STPG2: variants seen among roughly 807,000 people sequenced by gnomAD.
STPG2 encodes the protein sperm-tail PG-rich repeat-containing protein 2.
A neutral mutation model predicts 54.2 loss-of-function variants in STPG2; 56 were observed. The ratio of observed to expected loss-of-function variants is 1.03; its 90% CI spans 0.83 to 1.29. The LOEUF (loss-of-function observed/expected upper bound fraction) is 1.29, where lower values mean the gene tolerates loss of function less well. Among genes scored for constraint, STPG2 ranks in the 50% most tolerant of loss-of-function variants. The pLI, the probability that STPG2 is intolerant of heterozygous loss-of-function variation, is 0.00. For missense variants in STPG2, 596 were observed against 544.9 expected, an observed-to-expected ratio of 1.09 and a Z score of -0.93; for synonymous variants, 200 against 181.8, an observed-to-expected ratio of 1.10 and a Z score of -0.81.
At chr4:97,547,081 T>A (rs1296791548) in intron 4 of STPG2, among the ~76,000 whole-genome samples, 3 of 150,600 alleles carry the variant, frequency 2.0e-5, no homozygotes, top group Admixed American at 6.6e-5. Flanking sequence ...ATGTGTAGAT[T>A]CTTACAAATG....
chr4:98,119,605 C>T (rs1305830425), intron 3 of STPG2, among the ~76,000 whole-genome samples: 2 of 151,602 alleles, frequency 1.3e-5, no homozygotes, highest in Non-Finnish European at 2.9e-5. Flanking sequence ...AAAAAGAATG[C>T]CTTTTTTTTT....
intron 9 of STPG2, among the ~76,000 whole-genome samples, chr4:97,746,428 A>C (rs188115897): frequency 1.3e-4 from 19 of 151,432 alleles, no homozygotes; most frequent in African/African-American, 4.6e-4. Context: ...TATCTGACTT[A>C]ACAGTTGAAT....
intron 8 of STPG2, among the ~76,000 whole-genome samples, chr4:97,881,299 C>A (rs1483430677): frequency 6.6e-6 from 1 of 152,088 alleles, no homozygotes; most frequent in African/African-American, 2.4e-5. Context: ...AGTCACTTAA[C>A]CTTTTCACCC....
intron 5 of STPG2, among the ~76,000 whole-genome samples, chr4:98,103,441 AGACCAGCCT>A (rs1739102224): frequency 6.6e-6 from 1 of 152,094 alleles, no homozygotes; most frequent in Non-Finnish European, 1.5e-5. Flanking sequence ...CAGGAGTTCG[AGACCAGCCT>A]GACCAACATA....
intron 5 of STPG2, among the ~76,000 whole-genome samples, chr4:98,075,644 A>C (rs1738141458): frequency 6.6e-6 from 1 of 152,148 alleles, no homozygotes; most frequent in African/African-American, 2.4e-5. Flanking sequence ...TGTTCTCTCA[A>C]TGGGATATTT....
intron 9 of STPG2, among the ~76,000 whole-genome samples, chr4:97,778,961 TA>T (rs1039406758): frequency 6.6e-6 from 1 of 151,936 alleles, no homozygotes; most frequent in African/African-American, 2.4e-5. Flanking sequence ...CAAAGGTAGA[TA>T]AAACCACAAA....
At chr4:98,022,751 G>T (rs1295611066) in intron 5 of STPG2, among the ~76,000 whole-genome samples, 1 of 151,976 alleles carries the variant, frequency 6.6e-6, no homozygotes, top group African/African-American at 2.4e-5. Flanking sequence ...TTCCCTTCTT[G>T]CTTCATTTCA....
At chr4:97,967,851 T>C (rs1031153392) in intron 7 of STPG2, among the ~76,000 whole-genome samples, 1 of 152,070 alleles carries the variant, frequency 6.6e-6, no homozygotes, top group African/African-American at 2.4e-5. Flanking sequence ...CTGGGACACA[T>C]TTAAAGCAGG....
intron 8 of STPG2, among the ~76,000 whole-genome samples, chr4:97,896,847 C>T (rs1730974122): frequency 1.3e-5 from 2 of 151,722 alleles, no homozygotes; most frequent in Non-Finnish European, 3.0e-5. Flanking sequence ...AAAACATTAA[C>T]AGTTGCTACT....
chr4:97,958,561 A>C (rs1336294290), intron 7 of STPG2, among the ~76,000 whole-genome samples: 2 of 152,250 alleles, frequency 1.3e-5, no homozygotes, highest in African/African-American at 2.4e-5. Context: ...CACTCCATGC[A>C]AATGAACACC....
intron 10 of STPG2, among the ~76,000 whole-genome samples, chr4:97,620,695 G>C (rs578125506): frequency 6.6e-6 from 1 of 152,154 alleles, no homozygotes; most frequent in Admixed American, 6.5e-5. Context: ...CAGTAACAGT[G>C]GGAGACTTCA....
At chr4:97,740,863 C>T (rs901646945) in intron 9 of STPG2, among the ~76,000 whole-genome samples, 1 of 152,148 alleles carries the variant, frequency 6.6e-6, no homozygotes, top group Non-Finnish European at 1.5e-5. Context: ...AAAAAAACTA[C>T]TTTAAAGTTC....
At chr4:97,724,711 C>A (rs1724562892) in intron 9 of STPG2, among the ~76,000 whole-genome samples, 1 of 152,038 alleles carries the variant, frequency 6.6e-6, no homozygotes, top group African/African-American at 2.4e-5. Flanking sequence ...ATTAGGTATT[C>A]TATCCTTAGG....
At chr4:97,485,870 G>T (rs1169624453) in intron 4 of STPG2, among the ~76,000 whole-genome samples, 1 of 151,732 alleles carries the variant, frequency 6.6e-6, no homozygotes, top group African/African-American at 2.4e-5. Context: ...ACAGAATAGA[G>T]AACCCAGAAA....
chr4:98,010,934 T>C (rs1018698641), intron 5 of STPG2, among the ~76,000 whole-genome samples: 2 of 152,186 alleles, frequency 1.3e-5, no homozygotes, highest in Non-Finnish European at 2.9e-5. Flanking sequence ...CCACATTTTA[T>C]ATTATTGATG....
chr4:97,873,211 TC>T (rs1021839419), intron 8 of STPG2, among the ~76,000 whole-genome samples: 1 of 151,244 alleles, frequency 6.6e-6, no homozygotes, highest in African/African-American at 2.4e-5. Flanking sequence ...TTTCCTTTTT[TC>T]CTTCCTCCTT....
chr4:97,709,145 A>T lies in STPG2; in HGVS notation c.1320+3554T>A, dbSNP rs1359408996. Reference sequence around the variant, plus strand: ...ATTTCAAAGTAATAGAAAGTAAATGACTCAATTGAATTAATTAGTACTATC... The same window carrying T: ...ATTTCAAAGTAATAGAAAGTAAATGTCTCAATTGAATTAATTAGTACTATC... On this transcript the variant is annotated intron_variant, in intron 10 of 10. Coordinates refer to ENST00000295268, the MANE Select transcript of STPG2 (RefSeq NM_174952.3). Among the ~76,000 whole-genome samples, 5 of 151,884 alleles carry T rather than the reference A, an allele frequency of 3.3e-5. No individual in the cohort carries two copies. The East Asian group carries it at 9.7e-4, about 29-fold the overall frequency.
chr4:97,864,770 C>G (rs145103424), intron 8 of STPG2, among the ~76,000 whole-genome samples: 4,256 of 151,938 alleles, frequency 0.028, 186 homozygotes, highest in African/African-American at 0.095. Context: ...CAGAACAGAG[C>G]CCTCAGAAGT....
chr4:97,685,785 G>T (rs1578479184), intron 10 of STPG2, among the ~76,000 whole-genome samples: 1 of 152,204 alleles, frequency 6.6e-6, no homozygotes, highest in East Asian at 1.9e-4. Context: ...CAGAACCTGG[G>T]GTTCTAATAT....
Sources: allele counts gnomAD v4.1 joint callset (sites outside exome capture counted in the v4.1 genomes callset), GRCh38; gene constraint gnomAD v4.1.1; transcripts MANE v1.5; gene names NCBI Gene and HGNC (gene_info 2026-07-23, HGNC 2026-07-21).